The following VILL variants were observed in gnomAD, a reference collection of about 807,000 sequenced individuals.
VILL encodes the protein villin like.
In VILL, 102 loss-of-function variants were observed where a neutral mutation model predicts 106.3. That is an observed-to-expected ratio of 0.96 (90% CI 0.82 to 1.13). VILL has a LOEUF of 1.13. Ranked by LOEUF, VILL falls within the 50% of genes most tolerant of loss-of-function variation. The pLI, the probability that VILL is intolerant of heterozygous loss-of-function variation, is 0.00. For missense variants in VILL, 1,076 were observed against 1,116.6 expected (o/e 0.96, Z 0.52); for synonymous variants, 431 against 440.3 (o/e 0.98, Z 0.27).
rs780449864 is a variant in VILL, at chr3:38,006,198, G to C, written c.2151G>C (p.Lys717Asn). 1 of 1,614,196 alleles carries C rather than the reference G, an allele frequency of 6.2e-7. No homozygotes were observed. Among genetic ancestry groups the C allele is most frequent in the Admixed American group, 1.7e-5 (1 of 60,032 alleles). Reference sequence around the variant, plus strand: ...TGCTCCAGAGCCACCCGTCCCACAAGGAAGTGGTGGATGGCAGCCCGGCAG... The same window carrying C: ...TGCTCCAGAGCCACCCGTCCCACAACGAAGTGGTGGATGGCAGCCCGGCAG... ...PYKWTSHPSH[K>N]EVVDGSPAAA... Residue 717 changes from lysine (K) to asparagine (N), a missense_variant, in exon 18 of 20, where the codon AAG (lysine) becomes AAC (asparagine). Physicochemically the swap from Lys to Asn is moderately conservative, Grantham distance 94 (BLOSUM62 0). Transcript: ENST00000383759.
intron 15 of VILL, 113 bp from the exon 16 acceptor site, chr3:38,004,142 C>G: frequency 7.0e-7 from 1 of 1,437,638 alleles, no homozygotes; most frequent in Non-Finnish European, 9.3e-7. Flanking sequence ...AGAGGAGGGC[C>G]CAGGGCTCCC....
rs1362971000 is a variant in VILL, at chr3:37,997,938, A to C, written c.765-152A>C. On this transcript the variant is annotated intron_variant, in intron 7 of 19. Coordinates refer to ENST00000383759, the MANE Select transcript of VILL (RefSeq NM_015873.4). This position sits in a 1 kb window ranked among gnomAD's most constrained non-coding sequence, Gnocchi z 4.7. The stretch of plus-strand genomic sequence containing the variant: ...AGGGAGCTGCCTAAAGCTCCACAGC[A>C]AGGCTGCAGTAAAAGTGAAGACTAC... 2.2e-5 allele frequency: 18 copies of C among 813,410 alleles called. No individual in the cohort carries two copies. Among genetic ancestry groups the C allele is most frequent in the Non-Finnish European group, 3.2e-5 (17 of 527,594 alleles). 50.4% of individuals were successfully genotyped at this position (813,410 alleles called of 1,614,324 possible).
Position 37,994,456 on chromosome 3 carries a change from C to T in VILL, c.331C>T (p.Pro111Ser), listed in dbSNP as rs776350613. The T allele has an allele frequency of 1.6e-5, 25 of 1,612,194 alleles. No individual in the cohort carries two copies. Among genetic ancestry groups the T allele is most frequent in the Non-Finnish European group, 1.9e-5 (23 of 1,179,772 alleles). Residue 111 changes from proline to serine, a missense_variant, in exon 4 of 20, where the codon CCG becomes TCG. By Grantham distance (74) the Pro-to-Ser change is moderately conservative (BLOSUM62 -1). Transcript: ENST00000383759. ...ESDCFCSYFR[P>S]GIIYRKGGLA... ...CGACTGCTTCTGCAGCTACTTCCGC[C>T]CGGGAATCATGTGAGTGCGGGGGCG...
At chr3:37,993,805 G>GC (rs1429078032) in intron 2 of VILL, 73 bp downstream of exon 2, 9 of 1,605,460 alleles carry the variant, frequency 5.6e-6, no homozygotes, top group South Asian at 1.1e-5. Flanking sequence ...GGCTTCTCCC[G>GC]CCCCCAACTC....
At chr3:38,000,157 G>A (rs760303686) in intron 11 of VILL, among the ~76,000 whole-genome samples, 1 of 152,238 alleles carries the variant, frequency 6.6e-6, no homozygotes, top group African/African-American at 2.4e-5. Context: ...TGGTCTTGTG[G>A]GAACAGAACT....
upstream of VILL, among the ~76,000 whole-genome samples, chr3:37,989,945 C>T (rs1699590025): frequency 1.3e-5 from 2 of 152,224 alleles, no homozygotes; most frequent in South Asian, 4.1e-4. Flanking sequence ...GTCCCCAGAC[C>T]CCTGTAACAG....
intron 1 of VILL, 46 bp from the exon 2 acceptor site, chr3:37,993,541 T>G: frequency 1.4e-6 from 1 of 739,100 alleles, no homozygotes; most frequent in Non-Finnish European, 2.2e-6. Flanking sequence ...CTGACATTTG[T>G]GTGTTTACAG....
intron 3 of VILL, 75 bp downstream of exon 3, chr3:37,994,047 ACT>A: frequency 6.3e-7 from 1 of 1,576,456 alleles, no homozygotes; most frequent in African/African-American, 1.3e-5. Flanking sequence ...ACAGGCATAA[ACT>A]CTGCCCTGGG....
rs751150777 is a variant in VILL at position 37,997,521 on chromosome 3, T to G, written c.600T>G (p.Arg200=). The G allele has an allele frequency of 1.2e-6, 2 of 1,613,876 alleles. No homozygotes were observed. The highest frequency in any genetic ancestry group is 4.5e-5 in the East Asian group (2 of 44,870). ...CCTACAGCCTCCGGGACAGGGAACG[T>G]GGTGGTGGTCGTGCACAGATTGGTG... is the stretch of plus-strand genomic sequence containing the variant. ...ALTYSLRDRE[R]GGGRAQIGVV... The change falls in exon 7 of 20, where the codon CGT becomes CGG. Residue 200 remains arginine, a synonymous_variant. Transcript: ENST00000383759. This position sits in a 1 kb window ranked among gnomAD's most constrained non-coding sequence, Gnocchi z 4.7.
intron 3 of VILL, 21 bp from the exon 4 acceptor site, chr3:37,994,240 A>G (rs1471283455): frequency 4.4e-6 from 7 of 1,591,534 alleles, no homozygotes; most frequent in Non-Finnish European, 6.0e-6. Context: ...CAACACATAT[A>G]CACAAACACC....
At chr3:37,999,204 T>G in intron 10 of VILL, 135 bp from the exon 11 acceptor site, 8 of 1,153,710 alleles carry the variant, frequency 6.9e-6, no homozygotes, top group Admixed American at 3.7e-5. Context: ...AGCCTCAGGA[T>G]GAGGAAAGGG....
rs766488850 is a variant in VILL at position 38,006,952 on chromosome 3, C to A, written c.2468C>A (p.Ser823Ter). 40 of 1,613,826 alleles carry A rather than the reference C, an allele frequency of 2.5e-5. No homozygotes were observed. In the South Asian group the frequency reaches 4.3e-4, roughly 17 times the overall value. ...VDPARREFYL[S>*]DSDFQDIFGK... ...CTCTCCCCTGCCCAGTTCTATCTCT[C>A]AGACTCTGACTTCCAAGATATCTTT... is the stretch of plus-strand genomic sequence containing the variant. The change falls in exon 20 of 20, where the codon TCA becomes TAA. Residue 823 changes from serine (S) to a stop codon, truncating the protein, a stop_gained. Coordinates refer to ENST00000383759, the MANE Select transcript of VILL (RefSeq NM_015873.4). LOFTEE classifies it high-confidence loss of function.
At position 37,998,924 on chromosome 3, in the gene VILL, G is replaced by A. The variant is rs1423941419; in HGVS notation, c.955G>A (p.Ala319Thr). ...AFSRAVGFIQ[A>T]KGYPTYTNVE... is the part of the protein sequence containing the mutation. ...CCTTCCGCCCCAGGGCTTCATCCAG[G>A]CCAAGGGCTACCCGACCTACACCAA... Residue 319 changes from alanine to threonine, a missense_variant, in exon 10 of 20, where the codon GCC becomes ACC. By Grantham distance (58) the Ala-to-Thr change is moderately conservative. Transcript: ENST00000383759. This position sits in a 1 kb window ranked among gnomAD's most constrained non-coding sequence, Gnocchi z 4.1. 1 of 1,604,938 alleles carries A rather than the reference G, an allele frequency of 6.2e-7. No homozygotes were observed. Among genetic ancestry groups the A allele is most frequent in the Non-Finnish European group, 8.5e-7 (1 of 1,174,666 alleles).
At chr3:37,999,301 G>GGC in intron 10 of VILL, 38 bp from the exon 11 acceptor site, 2 of 1,142,560 alleles carry the variant, frequency 1.8e-6, no homozygotes, top group Non-Finnish European at 2.3e-6. Context: ...TTGGGGGGGG[G>GGC]CAGAGGGCGC....
chr3:38,000,180 C>T (rs1021282536), intron 11 of VILL, among the ~76,000 whole-genome samples: 21 of 152,282 alleles, frequency 1.4e-4, no homozygotes, highest in African/African-American at 4.1e-4. Context: ...TGGGCCTATG[C>T]GAGGGGTCCT....
Position 37,998,905 on chromosome 3 carries a change from GC to G in VILL, c.943-3del. On this transcript the variant is annotated splice_polypyrimidine_tract_variant and splice_region_variant and intron_variant, in intron 9 of 19. Coordinates refer to ENST00000383759, the MANE Select transcript of VILL (RefSeq NM_015873.4). This position sits in a 1 kb window ranked among gnomAD's most constrained non-coding sequence, Gnocchi z 4.1. ...GGTCGCAGGACTGACGATGCCTTCCGCCCCAGGGCTTCATCCAGGCCAAGGG... is the reference window on the plus strand; with the variant it reads ...GGTCGCAGGACTGACGATGCCTTCCGCCCAGGGCTTCATCCAGGCCAAGGG... The G allele has an allele frequency of 6.3e-7, 1 of 1,587,588 alleles. No homozygotes were observed. The highest frequency in any genetic ancestry group is 8.6e-7 in the Non-Finnish European group (1 of 1,160,398).
In VILL at chr3:37,999,323, A is replaced by C. The variant is rs750022403; in HGVS notation, c.1082-16A>C. ...GGGGCAGAGGGCGCCACTGACGCCT[A>C]CTGTCCCCCCTTCAGATAAATCGAT... is the stretch of plus-strand genomic sequence containing the variant. On this transcript the variant is annotated splice_polypyrimidine_tract_variant and intron_variant, in intron 10 of 19. Coordinates refer to ENST00000383759, the MANE Select transcript of VILL (RefSeq NM_015873.4). The C allele has an allele frequency of 4.0e-6, 6 of 1,506,316 alleles. No homozygotes were observed. Among genetic ancestry groups the C allele is most frequent in the Non-Finnish European group, 5.3e-6 (6 of 1,128,010 alleles). 93.3% of individuals were successfully genotyped at this position (1,506,316 alleles called of 1,614,324 possible). A position where few individuals can be genotyped will look rare whatever the true frequency, so the allele number is the denominator to read the frequency against.
Position 38,001,594 on chromosome 3 carries a change from G to A in VILL, c.1320+1G>A. The A allele has an allele frequency of 1.2e-6, 2 of 1,614,092 alleles. No individual in the cohort carries two copies. The highest frequency in any genetic ancestry group is 4.5e-5 in the East Asian group (2 of 44,882). On this transcript the variant is annotated splice_donor_variant, in intron 12 of 19. Coordinates refer to ENST00000383759, the MANE Select transcript of VILL (RefSeq NM_015873.4). LOFTEE classifies it high-confidence loss of function. ...CCAGTACATCCTGTACCTATGGCAG[G>A]TGTGCCAGCCTGAGGGAGGCAGCAC...
At chr3:37,999,315 T>A in intron 10 of VILL, 24 bp from the exon 11 acceptor site, 5 of 1,492,580 alleles carry the variant, frequency 3.3e-6, no homozygotes, top group Non-Finnish European at 4.5e-6. Context: ...AGGGCGCCAC[T>A]GACGCCTACT....
Sources: allele counts gnomAD v4.1 joint callset (sites outside exome capture counted in the v4.1 genomes callset), GRCh38; gene constraint gnomAD v4.1.1; non-coding constraint Gnocchi (gnomAD v3.1); transcripts MANE v1.5; gene names NCBI Gene and HGNC (gene_info 2026-07-23, HGNC 2026-07-21).